The following HEMK2 variants were observed in gnomAD, a reference collection of about 807,000 sequenced individuals.
The protein encoded by HEMK2 is HemK methyltransferase 2, ETF1 glutamine and histone H4 lysine.
At chr21:28,777,862 T>G in the HEMK2 span, among the ~76,000 whole-genome samples, 3 of 152,206 alleles carry the variant, frequency 2.0e-5, no homozygotes, top group Admixed American at 6.5e-5. Flanking sequence ...GAGACATCAA[T>G]AAAGTTCTAA....
chr21:28,624,983 T>C, the HEMK2 span, among the ~76,000 whole-genome samples: 4 of 152,362 alleles, frequency 2.6e-5, no homozygotes, highest in African/African-American at 9.6e-5. Flanking sequence ...TTTTGTCTGG[T>C]AGGTGAATAG....
At chr21:28,863,290 A>C in the HEMK2 span, among the ~76,000 whole-genome samples, 1 of 151,062 alleles carries the variant, frequency 6.6e-6, no homozygotes, top group African/African-American at 2.4e-5. Context: ...CTGCCCGTGA[A>C]CGCGGGACTC....
At chr21:28,740,883 A>T in the HEMK2 span, among the ~76,000 whole-genome samples, 3 of 152,110 alleles carry the variant, frequency 2.0e-5, no homozygotes, top group African/African-American at 7.2e-5. Context: ...CTGACTATGG[A>T]TAAGTATGTT....
the HEMK2 span, among the ~76,000 whole-genome samples, chr21:28,587,205 C>A: frequency 1.3e-5 from 2 of 151,390 alleles, no homozygotes; most frequent in Admixed American, 1.3e-4. Flanking sequence ...CAAACCCAGG[C>A]TCTATGATCC....
At chr21:28,869,933 C>A in the HEMK2 span, among the ~76,000 whole-genome samples, 1 of 152,208 alleles carries the variant, frequency 6.6e-6, no homozygotes, top group Non-Finnish European at 1.5e-5. Flanking sequence ...AACTTCAGAA[C>A]TGGAACACTG....
At chr21:28,615,397 G>A in the HEMK2 span, among the ~76,000 whole-genome samples, 4 of 144,024 alleles carry the variant, frequency 2.8e-5, no homozygotes, top group Non-Finnish European at 6.0e-5. Context: ...TGTCTCTGTC[G>A]CTGTCTCTCT....
the HEMK2 span, among the ~76,000 whole-genome samples, chr21:28,630,527 C>G: frequency 2.0e-5 from 3 of 151,932 alleles, no homozygotes; most frequent in Non-Finnish European, 4.4e-5. Flanking sequence ...TTGGAACCAA[C>G]CCAAATGTCC....
At chr21:28,763,592 C>T in the HEMK2 span, among the ~76,000 whole-genome samples, 5 of 152,056 alleles carry the variant, frequency 3.3e-5, no homozygotes, top group Non-Finnish European at 7.4e-5. Flanking sequence ...CTATATCACA[C>T]GTGAACATTC....
chr21:28,753,399 A>T, the HEMK2 span, among the ~76,000 whole-genome samples: 3 of 151,376 alleles, frequency 2.0e-5, no homozygotes, highest in Admixed American at 6.6e-5. Context: ...ACATGTTTAC[A>T]TTTTTCCAGA....
chr21:28,599,857 G>A, the HEMK2 span, among the ~76,000 whole-genome samples: 1 of 152,196 alleles, frequency 6.6e-6, no homozygotes, highest in Non-Finnish European at 1.5e-5. Context: ...GGGCTACAGA[G>A]ACAGTGAAAT....
At chr21:28,593,598 T>G in the HEMK2 span, among the ~76,000 whole-genome samples, 1 of 152,144 alleles carries the variant, frequency 6.6e-6, no homozygotes, top group Non-Finnish European at 1.5e-5. Context: ...TGGAGCACTT[T>G]GTAGTGCCAC....
At chr21:28,659,942 G>A in the HEMK2 span, among the ~76,000 whole-genome samples, 1 of 152,038 alleles carries the variant, frequency 6.6e-6, no homozygotes, top group Non-Finnish European at 1.5e-5. Context: ...TTGAAATACT[G>A]AAGAGATTAT....
chr21:28,701,049 A>G, the HEMK2 span, among the ~76,000 whole-genome samples: 12 of 152,172 alleles, frequency 7.9e-5, no homozygotes, highest in Non-Finnish European at 1.2e-4. Context: ...AACAAAAACC[A>G]TATGATTATC....
chr21:28,742,208 T>A, the HEMK2 span, among the ~76,000 whole-genome samples: 1 of 152,206 alleles, frequency 6.6e-6, no homozygotes, highest in Non-Finnish European at 1.5e-5. Flanking sequence ...ATATTTACTA[T>A]CTGGATGGAT....
At chr21:28,775,244 G>A in the HEMK2 span, among the ~76,000 whole-genome samples, 72 of 152,274 alleles carry the variant, frequency 4.7e-4, no homozygotes, top group African/African-American at 1.7e-3. Flanking sequence ...AAGCTCTAGA[G>A]ATGATCATTT....
the HEMK2 span, among the ~76,000 whole-genome samples, chr21:28,810,171 A>G: frequency 6.6e-6 from 1 of 152,140 alleles, no homozygotes; most frequent in East Asian, 1.9e-4. Flanking sequence ...TCTCTGGTAC[A>G]GTGCTAGATT....
the HEMK2 span, among the ~76,000 whole-genome samples, chr21:28,635,195 G>A: frequency 8.6e-5 from 13 of 150,794 alleles, no homozygotes; most frequent in Admixed American, 6.0e-4. Flanking sequence ...TCCACCTTCC[G>A]GTTTCAAGTG....
At chr21:28,586,132 ATCT>A in the HEMK2 span, among the ~76,000 whole-genome samples, 1 of 152,230 alleles carries the variant, frequency 6.6e-6, no homozygotes, top group Admixed American at 6.5e-5. Context: ...TGCAATAAGC[ATCT>A]TTGCGATGTT....
the HEMK2 span, among the ~76,000 whole-genome samples, chr21:28,666,367 T>C: frequency 6.6e-6 from 1 of 152,246 alleles, no homozygotes; most frequent in African/African-American, 2.4e-5. Flanking sequence ...AAAGTAGTTG[T>C]CTGTTCAATT....
Sources: gnomAD v4.1 joint callset for allele counts (sites outside exome capture counted in the v4.1 genomes callset) on GRCh38, gnomAD v4.1.1 for gene constraint, MANE v1.5 for transcripts, NCBI Gene and HGNC (gene_info 2026-07-23, HGNC 2026-07-21) for gene names.